The following DNAH12 variants were observed in gnomAD, a reference collection of about 807,000 sequenced individuals.
DNAH12 encodes the protein axonemal beta dynein heavy chain 12.
A neutral mutation model predicts 371.5 loss-of-function variants in DNAH12; 285 were observed. The ratio of observed to expected loss-of-function variants is 0.77; its 90% CI spans 0.70 to 0.85. The LOEUF (loss-of-function observed/expected upper bound fraction) is 0.85, where lower values mean the gene tolerates loss of function less well. DNAH12 is among the 40% of genes least tolerant of loss of function. The pLI is 0.00. For missense variants in DNAH12, 3,611 were observed against 3,689.4 expected, an observed-to-expected ratio of 0.98 and a Z score of 0.55; for synonymous variants, 1,200 against 1,213.0, an observed-to-expected ratio of 0.99 and a Z score of 0.22.
chr3:57,435,984 C>G (rs1575597546), intron 30 of DNAH12, among the ~76,000 whole-genome samples: 2 of 152,014 alleles, frequency 1.3e-5, no homozygotes, highest in East Asian at 3.9e-4. Flanking sequence ...CATTTCTCAA[C>G]TCTCCCAAGA....
intron 51 of DNAH12, among the ~76,000 whole-genome samples, chr3:57,379,842 CAA>C (rs1170490495): frequency 0.044 from 965 of 22,044 alleles, 1 homozygote; most frequent in Non-Finnish European, 0.073. Flanking sequence ...CTCTGTCTCC[CAA>C]AAAAAAAAAA....
chr3:57,517,735 T>C, intron 4 of DNAH12, among the ~76,000 whole-genome samples: 1 of 152,186 alleles, frequency 6.6e-6, no homozygotes, highest in East Asian at 1.9e-4. Flanking sequence ...TCAAGTGATG[T>C]ACTTTCAAAA....
intron 60 of DNAH12, 42 bp downstream of exon 60, chr3:57,352,043 G>T: frequency 1.4e-6 from 2 of 1,473,618 alleles, no homozygotes; most frequent in Non-Finnish European, 1.8e-6. Context: ...TTCCAGGGAG[G>T]TTTTAAAAAT....
chr3:57,381,090 C>A (rs995661577), intron 50 of DNAH12, among the ~76,000 whole-genome samples: 5 of 152,062 alleles, frequency 3.3e-5, no homozygotes, highest in Admixed American at 1.3e-4. Context: ...GCTCTCCAAG[C>A]GAAATTAAAG....
chr3:57,448,183 G>C (rs145573607), intron 25 of DNAH12, among the ~76,000 whole-genome samples: 1 of 152,192 alleles, frequency 6.6e-6, no homozygotes, highest in Non-Finnish European at 1.5e-5. Context: ...CTCGAGGTGA[G>C]TCTTACAGCT....
At chr3:57,499,554 G>A (rs2067438147) in intron 11 of DNAH12, among the ~76,000 whole-genome samples, 1 of 144,708 alleles carries the variant, frequency 6.9e-6, no homozygotes, top group African/African-American at 2.6e-5. Context: ...AACACTTTGA[G>A]AGGCCAAGGT....
In DNAH12 at chr3:57,415,454, G is replaced by T. The variant is rs1380129345; in HGVS notation, c.5825C>A (p.Ser1942Tyr). Residue 1942 changes from serine to tyrosine, a missense_variant, in exon 38 of 74, where the codon TCT (serine) becomes TAT (tyrosine). Around this residue, in one of 3 missense-constraint regions of DNAH12, gnomAD observed 2,266 missense variants for 2,236.9 expected, o/e 1.01. Transcript: ENST00000495027. ...AACCTGATTGGCGCTGGTCCGTGCA[G>T]ATAAGTTAATATAAAAAGGAAAGTA... is the stretch of plus-strand genomic sequence containing the variant. ...DQYFPFYINL[S>Y]ARTSANQVQN... 3.2e-6 allele frequency: 5 copies of T among 1,550,654 alleles called. No individual in the cohort carries two copies.
At chr3:57,330,731 A>G (rs77938459) in intron 62 of DNAH12, among the ~76,000 whole-genome samples, 1 of 151,858 alleles carries the variant, frequency 6.6e-6, no homozygotes, top group African/African-American at 2.4e-5. Flanking sequence ...AAAAAAAAAA[A>G]AAGAAAAATG....
chr3:57,386,124 T>C (rs1399375476), intron 47 of DNAH12, among the ~76,000 whole-genome samples: 3 of 152,152 alleles, frequency 2.0e-5, no homozygotes, highest in African/African-American at 7.2e-5. Context: ...AACCAGCTTT[T>C]ACAATAAAAA....
chr3:57,358,842 C>T (rs967234406), intron 58 of DNAH12, among the ~76,000 whole-genome samples: 3 of 152,066 alleles, frequency 2.0e-5, no homozygotes, highest in Non-Finnish European at 4.4e-5. Context: ...TAGAGTGCAG[C>T]GGCATGATCT....
chr3:57,466,072 A>G (rs375369766), intron 17 of DNAH12, among the ~76,000 whole-genome samples: 1 of 21,278 alleles, frequency 4.7e-5, no homozygotes, highest in Non-Finnish European at 1.4e-4. Context: ...TGCAATTCAC[A>G]CACACACACA....
At chr3:57,449,378 G>C (rs895629301) in intron 25 of DNAH12, among the ~76,000 whole-genome samples, 1 of 152,256 alleles carries the variant, frequency 6.6e-6, no homozygotes, top group African/African-American at 2.4e-5. Context: ...CGATGGGACT[G>C]GGCGCCATGG....
intron 7 of DNAH12, 64 bp from the exon 8 acceptor site, chr3:57,507,902 T>C: frequency 7.0e-7 from 1 of 1,432,984 alleles, no homozygotes. Context: ...AAAACACAAT[T>C]GTTGGGCCGG....
rs1559696258 is a variant in DNAH12, at chr3:57,472,543, T to C, written c.1776+3A>G. On this transcript the variant is annotated splice_donor_region_variant and intron_variant, in intron 14 of 73. Coordinates refer to ENST00000495027, the MANE Select transcript of DNAH12 (RefSeq NM_001366028.2). ...AAAAATACATACTGAAAAATATATT[T>C]ACCTCATCATTTTCATCAAAGATGG... 1.3e-6 allele frequency: 2 copies of C among 1,546,712 alleles called. No individual in the cohort carries two copies. The highest frequency in any genetic ancestry group is 1.7e-6 in the Non-Finnish European group (2 of 1,145,406).
At position 57,436,946 on chromosome 3, in the gene DNAH12, C is replaced by G; in HGVS notation, c.4655+5G>C. 4 of 1,420,256 alleles carry G rather than the reference C, an allele frequency of 2.8e-6. No individual in the cohort carries two copies. The highest frequency in any genetic ancestry group is 3.8e-6 in the Non-Finnish European group (4 of 1,066,556). 88.0% of individuals were successfully genotyped at this position (1,420,256 alleles called of 1,614,324 possible). A position where few individuals can be genotyped will look rare whatever the true frequency, so the allele number is the denominator to read the frequency against. ...ACATCTAACTATAGCAATATATAAT[C>G]TTACCCATGTCTAACAATCATCATT... is the stretch of plus-strand genomic sequence containing the variant. On this transcript the variant is annotated splice_donor_5th_base_variant and intron_variant, in intron 30 of 73. Transcript: ENST00000495027.
intron 23 of DNAH12, 65 bp from the exon 24 acceptor site, chr3:57,453,468 T>C (rs1184442963): frequency 1.4e-5 from 18 of 1,308,650 alleles, no homozygotes; most frequent in Non-Finnish European, 1.7e-5. Flanking sequence ...GTATTTTATA[T>C]ATTTAGTCTT....
Position 57,425,028 on chromosome 3 carries a change from C to T in DNAH12, c.5367G>A (p.Trp1789Ter), listed in dbSNP as rs1421537339. 2.9e-6 allele frequency: 2 copies of T among 701,450 alleles called. No individual in the cohort carries two copies. Among genetic ancestry groups the T allele is most frequent in the Admixed American group, 2.0e-5 (1 of 49,624 alleles). 43.5% of individuals were successfully genotyped at this position (701,450 alleles called of 1,614,324 possible). The change falls in exon 35 of 74, where the codon TGG becomes TGA. Residue 1789 changes from tryptophan (W) to a stop codon, truncating the protein, a stop_gained. Transcript: ENST00000495027. LOFTEE classifies it high-confidence loss of function. ...NDPTSKHIRV[W>*]IMACFIFSLI... ...CATGAAGTATAAAACCAACCATAAT[C>T]CAAACACGAATGTGCTTGCTAGTAG...
At chr3:57,342,516 G>C (rs1340106301) in intron 60 of DNAH12, among the ~76,000 whole-genome samples, 1 of 144,400 alleles carries the variant, frequency 6.9e-6, no homozygotes, top group Non-Finnish European at 1.5e-5. Context: ...AAATTAGCCG[G>C]GCATGGTGGT....
chr3:57,529,530 C>T (rs116559502), intron 2 of DNAH12, among the ~76,000 whole-genome samples: 3,571 of 152,212 alleles, frequency 0.023, 65 homozygotes, highest in Middle Eastern at 0.034. Flanking sequence ...CATACAGTTG[C>T]TCATCATAGC....
Sources: allele counts gnomAD v4.1 joint callset (sites outside exome capture counted in the v4.1 genomes callset), GRCh38; gene constraint gnomAD v4.1.1; regional missense constraint gnomAD v4.1.1; transcripts MANE v1.5; gene names NCBI Gene and HGNC (gene_info 2026-07-23, HGNC 2026-07-21).